HEXIM1: variants seen among roughly 807,000 people sequenced by gnomAD.
HEXIM1 encodes the protein HEXIM P-TEFb complex subunit 1.
HEXIM1 carries 1 observed loss-of-function variant against 30.3 expected under a neutral mutation model. That is an observed-to-expected ratio of 0.03 (90% CI 0.01 to 0.16). The LOEUF (loss-of-function observed/expected upper bound fraction) is 0.16. HEXIM1 is among the 10% of genes least tolerant of loss of function. The pLI, the probability that HEXIM1 is intolerant of heterozygous loss-of-function variation, is 1.00. For synonymous variants in HEXIM1, 245 were observed against 208.3 expected (o/e 1.18, Z -1.52); for missense variants, 391 against 476.4 (o/e 0.82, Z 1.67).
At position 45,150,149 on chromosome 17, in the gene HEXIM1, C is replaced by A; in HGVS notation, c.959C>A (p.Ala320Glu). 1 of 1,613,448 alleles carries A rather than the reference C, an allele frequency of 6.2e-7. No individual in the cohort carries two copies. The highest frequency in any genetic ancestry group is 8.5e-7 in the Non-Finnish European group (1 of 1,180,016). The change falls in exon 1 of 1, where the codon GCG becomes GAG. Residue 320 changes from alanine (A) to glutamate (E), a missense_variant. By Grantham distance (107) the Ala-to-Glu change is moderately radical. Transcript: ENST00000332499. ...AGCAAGCGGCTGGGTGGCGACGACG[C>A]GCGTGTGCGGGAGCTGGAGCTGGAG... ...LESKRLGGDD[A>E]RVRELELELD...
In HEXIM1 at chr17:45,150,133, C is replaced by T; in HGVS notation, c.943C>T (p.Leu315=). The change falls in exon 1 of 1, where the codon CTG becomes TTG. Residue 315 remains leucine (L), a synonymous_variant. Coordinates refer to ENST00000332499, the MANE Select transcript of HEXIM1 (RefSeq NM_006460.3). ...NNRLRLESKR[L]GGDDARVREL... The stretch of plus-strand genomic sequence containing the variant: ...CCGGCTGCGGCTGGAGAGCAAGCGG[C>T]TGGGTGGCGACGACGCGCGTGTGCG... 6.2e-7 allele frequency: 1 copy of T among 1,613,632 alleles called. No individual in the cohort carries two copies. The highest frequency in any genetic ancestry group is 8.5e-7 in the Non-Finnish European group (1 of 1,180,034).
Position 45,149,175 on chromosome 17 carries a change from GAGGACTCTACT to G in HEXIM1, c.-13_-3del, listed in dbSNP as rs759056628. The G allele has an allele frequency of 2.6e-6, 4 of 1,535,798 alleles. No homozygotes were observed. Among genetic ancestry groups the G allele is most frequent in the South Asian group, 2.4e-5 (2 of 81,660 alleles). ...TACTAGCCAAAATTTCTTAAACTTC[GAGGACTCTACT>G]AGCCATGGCCGAGCCATTCTTGTCA... On this transcript the variant is annotated 5_prime_UTR_variant, in exon 1 of 1. Coordinates refer to ENST00000332499, the MANE Select transcript of HEXIM1 (RefSeq NM_006460.3). The surrounding 1 kb of genome is among the most constrained non-coding windows in gnomAD (Gnocchi z 5.3).
rs746679626 is a variant in HEXIM1 at position 45,149,523 on chromosome 17, G to A, written c.333G>A (p.Pro111=). ...TCCCGCCGCCGGCAGAAGTGGAACC[G>A]ACGCCCGAGGCCGAGCTGCTCGCCC... The part of the protein sequence containing the change: ...GDFPPPAEVE[P]TPEAELLAQP... Residue 111 remains proline, a synonymous_variant, in exon 1 of 1, where the codon CCG becomes CCA. Coordinates refer to ENST00000332499, the MANE Select transcript of HEXIM1 (RefSeq NM_006460.3). The surrounding 1 kb of genome is among the most constrained non-coding windows in gnomAD (Gnocchi z 5.3). 1 of 1,607,152 alleles carries A rather than the reference G, an allele frequency of 6.2e-7. No individual in the cohort carries two copies. The highest frequency in any genetic ancestry group is 8.5e-7 in the Non-Finnish European group (1 of 1,177,384).
In HEXIM1 at chr17:45,150,316, G is replaced by C. The variant is rs768564155; in HGVS notation, c.*46G>C. On this transcript the variant is annotated 3_prime_UTR_variant, in exon 1 of 1. Coordinates refer to ENST00000332499, the MANE Select transcript of HEXIM1 (RefSeq NM_006460.3). ...GGGGGCAAAGGGGACTTTTTACAGTGATGGAATGTAACATTATATACATGT... is the reference window on the plus strand; with the variant it reads ...GGGGGCAAAGGGGACTTTTTACAGTCATGGAATGTAACATTATATACATGT... The C allele has an allele frequency of 6.3e-7, 1 of 1,582,882 alleles. No homozygotes were observed. The highest frequency in any genetic ancestry group is 8.6e-7 in the Non-Finnish European group (1 of 1,162,726).
At position 45,149,517 on chromosome 17, in the gene HEXIM1, G is replaced by A. The variant is rs752524718; in HGVS notation, c.327G>A (p.Val109=). Residue 109 remains valine, a synonymous_variant, in exon 1 of 1, where the codon GTG becomes GTA. Coordinates refer to ENST00000332499, the MANE Select transcript of HEXIM1 (RefSeq NM_006460.3). This position sits in a 1 kb window ranked among gnomAD's most constrained non-coding sequence, Gnocchi z 5.3. The stretch of plus-strand genomic sequence containing the variant: ...GCGACTTCCCGCCGCCGGCAGAAGT[G>A]GAACCGACGCCCGAGGCCGAGCTGC... ...AGGDFPPPAE[V]EPTPEAELLA... 14 of 1,608,636 alleles carry A rather than the reference G, an allele frequency of 8.7e-6. No homozygotes were observed. The highest frequency in any genetic ancestry group is 1.1e-5 in the Non-Finnish European group (13 of 1,178,054).
chr17:45,149,716 A>C lies in HEXIM1; in HGVS notation c.526A>C (p.Lys176Gln). Residue 176 changes from lysine to glutamine, a missense_variant, in exon 1 of 1, where the codon AAA becomes CAA. By Grantham distance (53) the Lys-to-Gln change is moderately conservative. Coordinates refer to ENST00000332499, the MANE Select transcript of HEXIM1 (RefSeq NM_006460.3). This position sits in a 1 kb window ranked among gnomAD's most constrained non-coding sequence, Gnocchi z 5.3. The stretch of plus-strand genomic sequence containing the variant: ...CTACAAGCTGACCTGGGAAGAGAAG[A>C]AAAAGTTCGACGAGAAACAGAGCCT... Reference protein sequence around the residue: ...PYYKLTWEEKKKFDEKQSLRA... With the variant: ...PYYKLTWEEKQKFDEKQSLRA... 1 of 1,613,232 alleles carries C rather than the reference A, an allele frequency of 6.2e-7. No homozygotes were observed. Among genetic ancestry groups the C allele is most frequent in the Non-Finnish European group, 8.5e-7 (1 of 1,180,010 alleles).
At position 45,151,742 on chromosome 17, in the gene HEXIM1, C is replaced by G. The variant is rs1056084943; in HGVS notation, c.*1472C>G. 2 of 166,996 alleles carry G rather than the reference C, an allele frequency of 1.2e-5. No individual in the cohort carries two copies. The highest frequency in any genetic ancestry group is 4.8e-5 in the African/African-American group (2 of 41,420). 10.3% of individuals were successfully genotyped at this position (166,996 alleles called of 1,614,324 possible). The stretch of plus-strand genomic sequence containing the variant: ...TGAACCCCATGAAATTATTTGTAGA[C>G]TTGTATGTACATTTTTCTGGGGAGA... On this transcript the variant is annotated 3_prime_UTR_variant, in exon 1 of 1. Coordinates refer to ENST00000332499, the MANE Select transcript of HEXIM1 (RefSeq NM_006460.3).
At position 45,150,096 on chromosome 17, in the gene HEXIM1, G is replaced by A. The variant is rs200141058; in HGVS notation, c.906G>A (p.Glu302=). 50 of 1,613,934 alleles carry A rather than the reference G, an allele frequency of 3.1e-5. No homozygotes were observed. ...LELEKCLSRM[E]DENNRLRLES... is the part of the protein sequence containing the mutation. ...TGGAGAAGTGCCTCTCGCGCATGGAGGACGAGAACAACCGGCTGCGGCTGG... is the reference window on the plus strand; with the variant it reads ...TGGAGAAGTGCCTCTCGCGCATGGAAGACGAGAACAACCGGCTGCGGCTGG... Residue 302 remains glutamate, a synonymous_variant, in exon 1 of 1, where the codon GAG becomes GAA. Transcript: ENST00000332499.
Position 45,150,137 on chromosome 17 carries a change from G to A in HEXIM1, c.947G>A (p.Gly316Asp). Residue 316 changes from glycine (G) to aspartate (D), a missense_variant, in exon 1 of 1, where the codon GGT becomes GAT. Gly to Asp is a moderately conservative substitution (Grantham distance 94, BLOSUM62 -1). Transcript: ENST00000332499. ...NRLRLESKRL[G>D]GDDARVRELE... The stretch of plus-strand genomic sequence containing the variant: ...CTGCGGCTGGAGAGCAAGCGGCTGG[G>A]TGGCGACGACGCGCGTGTGCGGGAG... 1 of 1,613,634 alleles carries A rather than the reference G, an allele frequency of 6.2e-7. No individual in the cohort carries two copies. Among genetic ancestry groups the A allele is most frequent in the Non-Finnish European group, 8.5e-7 (1 of 1,180,028 alleles).
At position 45,149,582 on chromosome 17, in the gene HEXIM1, G is replaced by A; in HGVS notation, c.392G>A (p.Gly131Glu). ...PCHDSEASKL[G>E]APAAGGEEEW... is the part of the protein sequence containing the mutation. ...CATGACTCCGAGGCCAGTAAGTTGG[G>A]GGCTCCTGCCGCAGGGGGCGAAGAG... The change falls in exon 1 of 1, where the codon GGG (glycine) becomes GAG (glutamate). Residue 131 changes from glycine (G) to glutamate (E), a missense_variant. By Grantham distance (98) the Gly-to-Glu change is moderately conservative (BLOSUM62 -2). Coordinates refer to ENST00000332499, the MANE Select transcript of HEXIM1 (RefSeq NM_006460.3). The surrounding 1 kb of genome is among the most constrained non-coding windows in gnomAD (Gnocchi z 5.3). 1 of 1,610,018 alleles carries A rather than the reference G, an allele frequency of 6.2e-7. No individual in the cohort carries two copies. Among genetic ancestry groups the A allele is most frequent in the Non-Finnish European group, 8.5e-7 (1 of 1,178,456 alleles).
chr17:45,148,659 G>C lies in HEXIM1; in HGVS notation c.-532G>C, dbSNP rs2055522246. 1 of 400,538 alleles carries C rather than the reference G, an allele frequency of 2.5e-6. No individual in the cohort carries two copies. The highest frequency in any genetic ancestry group is 4.4e-6 in the Non-Finnish European group (1 of 227,208). 24.8% of individuals were successfully genotyped at this position (400,538 alleles called of 1,614,324 possible). The stretch of plus-strand genomic sequence containing the variant: ...TTTGTCTGTCCTCTGCTGAGGCTAC[G>C]GCCGGGCCTAGGGAACTGGGAGCTT... On this transcript the variant is annotated 5_prime_UTR_variant, in exon 1 of 1. Coordinates refer to ENST00000332499, the MANE Select transcript of HEXIM1 (RefSeq NM_006460.3).
Position 45,149,521 on chromosome 17 carries a change from C to T in HEXIM1, c.331C>T (p.Pro111Ser), listed in dbSNP as rs371316696. ...GDFPPPAEVE[P>S]TPEAELLAQP... ...CTTCCCGCCGCCGGCAGAAGTGGAA[C>T]CGACGCCCGAGGCCGAGCTGCTCGC... Residue 111 changes from proline to serine, a missense_variant, in exon 1 of 1, where the codon CCG (proline) becomes TCG (serine). This residue lies in a region of HEXIM1 where 230 missense variants were observed against 199.4 expected (regional missense o/e 1.15). Coordinates refer to ENST00000332499, the MANE Select transcript of HEXIM1 (RefSeq NM_006460.3). The surrounding 1 kb of genome is among the most constrained non-coding windows in gnomAD (Gnocchi z 5.3). 2.1e-5 allele frequency: 34 copies of T among 1,607,158 alleles called. No individual in the cohort carries two copies. The highest frequency in any genetic ancestry group is 2.8e-5 in the Non-Finnish European group (33 of 1,177,422).
rs1327807304 is a variant in HEXIM1 at position 45,149,092 on chromosome 17, CTGT to C, written c.-97_-95del. The stretch of plus-strand genomic sequence containing the variant: ...ACAAACTGAAGAGGACTCTGTTGGA[CTGT>C]TTTTTTTTTCTTTTTCTTTTTTTTA... On this transcript the variant is annotated 5_prime_UTR_variant, in exon 1 of 1. Transcript: ENST00000332499. This position sits in a 1 kb window ranked among gnomAD's most constrained non-coding sequence, Gnocchi z 5.3. 2.6e-5 allele frequency: 31 copies of C among 1,212,824 alleles called. No individual in the cohort carries two copies. The Admixed American group carries it at 5.4e-4, about 21-fold the overall frequency. 75.1% of individuals were successfully genotyped at this position (1,212,824 alleles called of 1,614,324 possible). A position where few individuals can be genotyped will look rare whatever the true frequency, so the allele number is the denominator to read the frequency against.
chr17:45,149,180 C>T lies in HEXIM1; in HGVS notation c.-11C>T, dbSNP rs1252133608. 1 of 1,573,096 alleles carries T rather than the reference C, an allele frequency of 6.4e-7. No individual in the cohort carries two copies. Among genetic ancestry groups the T allele is most frequent in the South Asian group, 1.1e-5 (1 of 87,492 alleles). ...GCCAAAATTTCTTAAACTTCGAGGA[C>T]TCTACTAGCCATGGCCGAGCCATTC... On this transcript the variant is annotated 5_prime_UTR_variant, in exon 1 of 1. Transcript: ENST00000332499. This position sits in a 1 kb window ranked among gnomAD's most constrained non-coding sequence, Gnocchi z 5.3.
At position 45,149,104 on chromosome 17, in the gene HEXIM1, T is replaced by C. The variant is rs7220808; in HGVS notation, c.-87T>C. 52 of 1,258,784 alleles carry C rather than the reference T, an allele frequency of 4.1e-5. No homozygotes were observed. The highest frequency in any genetic ancestry group is 2.3e-4 in the Middle Eastern group (1 of 4,378). The allele number at this position is 1,258,784 out of a possible 1,614,324, so 78.0% of individuals were successfully genotyped here. ...GGACTCTGTTGGACTGTTTTTTTTTTCTTTTTCTTTTTTTTAAGAAAAACC... is the reference window on the plus strand; with the variant it reads ...GGACTCTGTTGGACTGTTTTTTTTTCCTTTTTCTTTTTTTTAAGAAAAACC... On this transcript the variant is annotated 5_prime_UTR_variant, in exon 1 of 1. Coordinates refer to ENST00000332499, the MANE Select transcript of HEXIM1 (RefSeq NM_006460.3). The surrounding 1 kb of genome is among the most constrained non-coding windows in gnomAD (Gnocchi z 5.3).
Position 45,148,882 on chromosome 17 carries a change from G to A in HEXIM1, c.-309G>A. The A allele has an allele frequency of 2.2e-6, 1 of 444,588 alleles. No individual in the cohort carries two copies. The highest frequency in any genetic ancestry group is 4.0e-6 in the Non-Finnish European group (1 of 252,426). 27.5% of individuals were successfully genotyped at this position (444,588 alleles called of 1,614,324 possible). A position where few individuals can be genotyped will look rare whatever the true frequency, so the allele number is the denominator to read the frequency against. On this transcript the variant is annotated 5_prime_UTR_variant, in exon 1 of 1. Coordinates refer to ENST00000332499, the MANE Select transcript of HEXIM1 (RefSeq NM_006460.3). ...ACCTTGCTCACCAACTCCTTTATTG[G>A]GGTGCTCCGCTTGGAGGTTTGAGGC...
In HEXIM1 at chr17:45,149,128, C is replaced by G; in HGVS notation, c.-63C>G. On this transcript the variant is annotated 5_prime_UTR_variant, in exon 1 of 1. Coordinates refer to ENST00000332499, the MANE Select transcript of HEXIM1 (RefSeq NM_006460.3). The surrounding 1 kb of genome is among the most constrained non-coding windows in gnomAD (Gnocchi z 5.3). Reference sequence around the variant, plus strand: ...TTCTTTTTCTTTTTTTTAAGAAAAACCCATTTTTTTCCTTAAGGACTTACT... The same window carrying G: ...TTCTTTTTCTTTTTTTTAAGAAAAAGCCATTTTTTTCCTTAAGGACTTACT... 7.3e-7 allele frequency: 1 copy of G among 1,378,428 alleles called. No homozygotes were observed. Among genetic ancestry groups the G allele is most frequent in the Non-Finnish European group, 9.7e-7 (1 of 1,031,306 alleles). 85.4% of individuals were successfully genotyped at this position (1,378,428 alleles called of 1,614,324 possible).
Position 45,149,070 on chromosome 17 carries a change from A to G in HEXIM1, c.-121A>G. The G allele has an allele frequency of 9.6e-7, 1 of 1,044,420 alleles. No individual in the cohort carries two copies. The highest frequency in any genetic ancestry group is 2.4e-5 in the Admixed American group (1 of 41,160). The allele number at this position is 1,044,420 out of a possible 1,614,324, so 64.7% of individuals were successfully genotyped here. A position where few individuals can be genotyped will look rare whatever the true frequency, so the allele number is the denominator to read the frequency against. On this transcript the variant is annotated 5_prime_UTR_variant, in exon 1 of 1. Transcript: ENST00000332499. This position sits in a 1 kb window ranked among gnomAD's most constrained non-coding sequence, Gnocchi z 5.3. ...TAAAGGCGTCACTGCAGGAATTACA[A>G]ACTGAAGAGGACTCTGTTGGACTGT...
chr17:45,150,032 A>G lies in HEXIM1; in HGVS notation c.842A>G (p.Asn281Ser). The change falls in exon 1 of 1, where the codon AAC (asparagine) becomes AGC (serine). Residue 281 changes from asparagine (N) to serine (S), a missense_variant. By Grantham distance (46) the Asn-to-Ser change is conservative. This residue lies in a region of HEXIM1 where 20 missense variants were observed against 68.1 expected (regional missense o/e 0.29). Coordinates refer to ENST00000332499, the MANE Select transcript of HEXIM1 (RefSeq NM_006460.3). Reference sequence around the variant, plus strand: ...CGGTACCACACGGAGAGCCTGCAGAACATGAGCAAGCAGGAGCTCATCAAG... The same window carrying G: ...CGGTACCACACGGAGAGCCTGCAGAGCATGAGCAAGCAGGAGCTCATCAAG... Reference protein sequence around the residue: ...YERYHTESLQNMSKQELIKEY... With the variant: ...YERYHTESLQSMSKQELIKEY... 4 of 1,614,098 alleles carry G rather than the reference A, an allele frequency of 2.5e-6. No individual in the cohort carries two copies. Among genetic ancestry groups the G allele is most frequent in the Non-Finnish European group, 3.4e-6 (4 of 1,180,036 alleles).
Sources: allele counts gnomAD v4.1 joint callset, GRCh38; gene constraint gnomAD v4.1.1; regional missense constraint gnomAD v4.1.1; non-coding constraint Gnocchi (gnomAD v3.1); transcripts MANE v1.5; gene names NCBI Gene and HGNC (gene_info 2026-07-23, HGNC 2026-07-21).